Variants in MYO19 observed in about 807,000 individuals in gnomAD.
The protein encoded by MYO19 is myosin XIX, also known as unconventional myosin-XIX.
A neutral mutation model predicts 129.2 loss-of-function variants in MYO19; 132 were observed. That is an observed-to-expected ratio of 1.02 (90% CI 0.89 to 1.18). The LOEUF is 1.18. Ranked by LOEUF, MYO19 falls within the 50% of genes most tolerant of loss-of-function variation. The pLI, the probability that MYO19 is intolerant of heterozygous loss-of-function variation, is 0.00. For synonymous variants in MYO19, 531 were observed against 477.2 expected (o/e 1.11, Z -1.47); for missense variants, 1,210 against 1,216.7 (o/e 0.99, Z 0.08).
intron 6 of MYO19, among the ~76,000 whole-genome samples, chr17:36,519,423 A>C (rs2073003563): frequency 6.6e-6 from 1 of 152,102 alleles, no homozygotes; most frequent in African/African-American, 2.4e-5. Flanking sequence ...CCATCCATTT[A>C]GTTTGAACTT....
intron 3 of MYO19, among the ~76,000 whole-genome samples, chr17:36,530,339 G>A (rs1008359513): frequency 6.6e-6 from 1 of 151,948 alleles, no homozygotes; most frequent in African/African-American, 2.4e-5. Flanking sequence ...CTGTAAAATG[G>A]GATAATGGTA....
upstream of MYO19, among the ~76,000 whole-genome samples, chr17:36,544,085 C>T (rs2074219662): frequency 6.6e-6 from 1 of 152,268 alleles, no homozygotes; most frequent in Non-Finnish European, 1.5e-5. Flanking sequence ...GAGGAACTGT[C>T]TTCACAGCAG....
intron 6 of MYO19, among the ~76,000 whole-genome samples, chr17:36,517,270 G>A (rs146976264): frequency 1.3e-5 from 2 of 151,474 alleles, no homozygotes; most frequent in Non-Finnish European, 2.9e-5. Flanking sequence ...TTGTTTGTTT[G>A]TCTTCTTTAG....
At chr17:36,501,533 A>G (rs1032008435) in intron 21 of MYO19, 1 of 284,562 alleles carries the variant, frequency 3.5e-6, no homozygotes, top group African/African-American at 2.2e-5. Context: ...AGGGTGCTTG[A>G]CACCTGGAAG....
chr17:36,499,025 G>A (rs994582198), intron 24 of MYO19, 50 bp downstream of exon 24: 3 of 1,453,236 alleles, frequency 2.1e-6, no homozygotes, highest in Admixed American at 1.9e-5. Flanking sequence ...GGTCCATCTG[G>A]TCCCCAAAAT....
intron 6 of MYO19, among the ~76,000 whole-genome samples, chr17:36,518,552 A>ATG (rs796286040): frequency 1.3e-4 from 10 of 78,922 alleles, no homozygotes; most frequent in Admixed American, 4.5e-4. Flanking sequence ...ATATATATAT[A>ATG]TGTGTATGTG....
chr17:36,518,527 A>AT (rs1289255638), intron 6 of MYO19, among the ~76,000 whole-genome samples: 1 of 41,472 alleles, frequency 2.4e-5, no homozygotes, highest in Non-Finnish European at 4.0e-5. Flanking sequence ...AAAAAAAAAA[A>AT]ATATATATAT....
intron 11 of MYO19, 121 bp from the exon 12 acceptor site, chr17:36,511,576 A>AGT (rs3830270): frequency 0.51 from 415,818 of 815,286 alleles, 109,925 homozygotes; most frequent in East Asian, 0.63. Context: ...TCATGGCCCA[A>AGT]GTGCCCATCT....
chr17:36,509,918 T>C (rs533715331), intron 13 of MYO19: 1 of 152,368 alleles, frequency 6.6e-6, no homozygotes, highest in Admixed American at 6.5e-5. Flanking sequence ...GAAATTAGCT[T>C]GAGGCAGTGG....
At chr17:36,532,304 C>T (rs1287735266) in intron 3 of MYO19, among the ~76,000 whole-genome samples, 1 of 152,164 alleles carries the variant, frequency 6.6e-6, no homozygotes. Flanking sequence ...ATTCCCTTAC[C>T]CATCCCACCT....
chr17:36,504,233 T>G (rs781380915), intron 19 of MYO19: 1 of 500,704 alleles, frequency 2.0e-6, no homozygotes, highest in Non-Finnish European at 3.5e-6. Context: ...TGGTCCCAAG[T>G]CCCCCTCATC....
chr17:36,537,201 C>T (rs1599476133), upstream of MYO19: 1 of 1,614,132 alleles, frequency 6.2e-7, no homozygotes, highest in Middle Eastern at 1.6e-4. Context: ...ATTCTGTATC[C>T]TGTGCAGAGG....
At chr17:36,531,027 G>A (rs2073802703) in intron 3 of MYO19, among the ~76,000 whole-genome samples, 1 of 152,120 alleles carries the variant, frequency 6.6e-6, no homozygotes. Flanking sequence ...TTGAGGTCAG[G>A]AGTTTGAGAC....
At chr17:36,506,932 C>A in intron 17 of MYO19, 31 bp downstream of exon 17, 1 of 1,530,360 alleles carries the variant, frequency 6.5e-7, no homozygotes, top group South Asian at 1.2e-5. Flanking sequence ...TCGTTTCTCG[C>A]AGGCCCCACA....
rs1006191292 is a variant in MYO19, at chr17:36,527,437, G to C, written c.300+114C>G. 5 of 1,239,152 alleles carry C rather than the reference G, an allele frequency of 4.0e-6. No homozygotes were observed. In the African/African-American group the frequency reaches 7.5e-5, roughly 19 times the overall value. The allele number at this position is 1,239,152 out of a possible 1,614,324, so 76.8% of individuals were successfully genotyped here. ...TATTGGGCAGGCCGTGGCACTAGCA[G>C]ACTCTGAATGACCACATTGCTGGTG... On this transcript the variant is annotated intron_variant, in intron 5 of 25. Transcript: ENST00000614623.
At position 36,533,984 on chromosome 17, in the gene MYO19, T is replaced by C. The variant is rs1031104373; in HGVS notation, c.-175A>G. On this transcript the variant is annotated 5_prime_UTR_variant, in exon 2 of 26. Transcript: ENST00000614623. ...AAGCGCTCTGCAAATGTTATTACGA[T>C]GCAGCATCAGCTCCTAGCTGGAGTC... The C allele has an allele frequency of 1.3e-5, 2 of 152,298 alleles. No homozygotes were observed. The highest frequency in any genetic ancestry group is 2.9e-5 in the Non-Finnish European group (2 of 68,062). 9.4% of individuals were successfully genotyped at this position (152,298 alleles called of 1,614,324 possible). A position where few individuals can be genotyped will look rare whatever the true frequency, so the allele number is the denominator to read the frequency against.
intron 19 of MYO19, chr17:36,504,309 T>A (rs920045865): frequency 2.4e-6 from 1 of 408,552 alleles, no homozygotes. Flanking sequence ...CTGCCCTCAG[T>A]GTAGTCTCAC....
Position 36,500,845 on chromosome 17 carries a change from T to C in MYO19, c.2362A>G (p.Met788Val). 6.3e-7 allele frequency: 1 copy of C among 1,598,042 alleles called. No individual in the cohort carries two copies. The highest frequency in any genetic ancestry group is 8.5e-7 in the Non-Finnish European group (1 of 1,176,858). The change falls in exon 23 of 26, where the codon ATG becomes GTG. Residue 788 changes from methionine to valine, a missense_variant. Coordinates refer to ENST00000614623, the MANE Select transcript of MYO19 (RefSeq NM_001163735.2). ...GCCCACCTACCTGCCTGGATGAGCATGACGGCCCGCCACTGCCGCTCCTGC... is the reference window on the plus strand; with the variant it reads ...GCCCACCTACCTGCCTGGATGAGCACGACGGCCCGCCACTGCCGCTCCTGC... Reference protein sequence around the residue: ...REQERQWRAVMLIQAAIRSWL... With the variant: ...REQERQWRAVVLIQAAIRSWL...
chr17:36,520,722 T>C (rs1423983922), intron 6 of MYO19, among the ~76,000 whole-genome samples: 1 of 152,236 alleles, frequency 6.6e-6, no homozygotes, highest in African/African-American at 2.4e-5. Flanking sequence ...ACTTTCTTAA[T>C]TTCATTTCTC....
Sources: gnomAD v4.1 joint callset for allele counts (sites outside exome capture counted in the v4.1 genomes callset) on GRCh38, gnomAD v4.1.1 for gene constraint, MANE v1.5 for transcripts, NCBI Gene and HGNC (gene_info 2026-07-23, HGNC 2026-07-21) for gene names.